Variants in ATM observed in about 807,000 individuals in gnomAD.
The protein encoded by ATM is serine-protein kinase ATM.
ATM carries 308 observed loss-of-function variants against 387.0 expected under a neutral mutation model. That is an observed-to-expected ratio of 0.80 (90% CI 0.73 to 0.87). The LOEUF (loss-of-function observed/expected upper bound fraction) is 0.87. ATM is among the 40% of genes least tolerant of loss of function. The pLI is 0.00. For missense variants in ATM, 3,312 were observed against 3,560.9 expected (o/e 0.93, Z 1.78); for synonymous variants, 1,156 against 1,187.3 (o/e 0.97, Z 0.54).
At chr11:108,252,741 C>A in intron 11 of ATM, 76 bp from the exon 12 acceptor site, 1 of 998,580 alleles carries the variant, frequency 1.0e-6, no homozygotes, top group South Asian at 1.4e-5. Context: ...TATAGCTAAA[C>A]ATGGATGTTA....
chr11:108,356,640 G>C (rs557183309), intron 61 of ATM, among the ~76,000 whole-genome samples: 3 of 151,982 alleles, frequency 2.0e-5, no homozygotes, highest in East Asian at 3.9e-4. Context: ...TCAGTCAGAA[G>C]GGATTTTTAT....
At chr11:108,298,658 T>C (rs553271024) in intron 33 of ATM, among the ~76,000 whole-genome samples, 7 of 152,208 alleles carry the variant, frequency 4.6e-5, no homozygotes, top group African/African-American at 1.7e-4. Flanking sequence ...CTTTCACTAC[T>C]GCTGTTCAAC....
Position 108,245,644 on chromosome 11 carries a change from T to A in ATM, c.901+618T>A, listed in dbSNP as rs4987922. 8.7e-3 allele frequency among the ~76,000 whole-genome samples: 1,317 copies of A among 152,198 alleles called. 4 individuals are homozygous for A. The highest frequency in any genetic ancestry group is 0.015 in the Non-Finnish European group (1,006 of 67,990). ...TATTGCCCAGAAGGTATAGTGCTTT[T>A]CTGTAGTTAGGAACTTTATTGGCTG... is the stretch of plus-strand genomic sequence containing the variant. On this transcript the variant is annotated intron_variant, in intron 7 of 62. Coordinates refer to ENST00000675843, the MANE Select transcript of ATM (RefSeq NM_000051.4).
intron 57 of ATM, among the ~76,000 whole-genome samples, chr11:108,345,493 T>C (rs1256911599): frequency 1.3e-5 from 2 of 152,182 alleles, no homozygotes; most frequent in Admixed American, 6.5e-5. Flanking sequence ...TTATTCAAAT[T>C]AGAATTTAAT....
rs2081307368 is a variant in ATM, at chr11:108,267,260, G to A, written c.2556G>A (p.Gln852=). ...TNGNLMEVED[Q]SSMNLFNDYP... Reference sequence around the variant, plus strand: ...GAAATCTAATGGAGGTGGAGGATCAGTCATCCATGAATCTATTTAACGATT... The same window carrying A: ...GAAATCTAATGGAGGTGGAGGATCAATCATCCATGAATCTATTTAACGATT... Residue 852 remains glutamine, a synonymous_variant, in exon 17 of 63, where the codon CAG becomes CAA. Transcript: ENST00000675843. The A allele has an allele frequency of 6.2e-7, 1 of 1,614,008 alleles. No homozygotes were observed. The highest frequency in any genetic ancestry group is 8.5e-7 in the Non-Finnish European group (1 of 1,179,922).
chr11:108,228,964 A>AT (rs1331229990), intron 3 of ATM, among the ~76,000 whole-genome samples: 1 of 152,246 alleles, frequency 6.6e-6, no homozygotes, highest in Non-Finnish European at 1.5e-5. Flanking sequence ...GTCATAGAAG[A>AT]TTAAGAGCTT....
At chr11:108,307,224 A>T (rs904250520) in intron 37 of ATM, among the ~76,000 whole-genome samples, 11 of 149,526 alleles carry the variant, frequency 7.4e-5, no homozygotes, top group African/African-American at 2.7e-4. Context: ...ATCTCGGCTC[A>T]CTGCAACCTC....
In ATM at chr11:108,304,726, T is replaced by C. The variant is rs2135943505; in HGVS notation, c.5548T>C (p.Leu1850=). ...TVLPYLIHDI[L]LQDTNESWRN... is the part of the protein sequence containing the mutation. ...ACTTCCATACTTGATTCATGATATT[T>C]TACTCCAAGATACAAATGAATCATG... The change falls in exon 37 of 63, where the codon TTA becomes CTA. Residue 1850 remains leucine, a synonymous_variant. Transcript: ENST00000675843. The C allele has an allele frequency of 6.2e-7, 1 of 1,614,070 alleles. No individual in the cohort carries two copies. The highest frequency in any genetic ancestry group is 8.5e-7 in the Non-Finnish European group (1 of 1,179,956).
At chr11:108,364,885 T>G (rs889121694) in intron 61 of ATM, among the ~76,000 whole-genome samples, 197 bp from the exon 62 acceptor site, 2 of 152,180 alleles carry the variant, frequency 1.3e-5, no homozygotes, top group Admixed American at 1.3e-4. Flanking sequence ...AAGAATGAAT[T>G]CAGAATGAAA....
chr11:108,313,642 C>T (rs1296361560), intron 40 of ATM, among the ~76,000 whole-genome samples: 1 of 152,164 alleles, frequency 6.6e-6, no homozygotes, highest in Admixed American at 6.5e-5. Flanking sequence ...CTCCTCTCTA[C>T]TGAGTTTTTG....
At chr11:108,348,945 A>G (rs576514784) in intron 59 of ATM, among the ~76,000 whole-genome samples, 1 of 152,322 alleles carries the variant, frequency 6.6e-6, no homozygotes, top group African/African-American at 2.4e-5. Context: ...ATCCCCCTGC[A>G]ACTCAGAATG....
chr11:108,250,164 A>G (rs576155486), intron 9 of ATM, among the ~76,000 whole-genome samples: 3 of 126,710 alleles, frequency 2.4e-5, no homozygotes, highest in Non-Finnish European at 5.0e-5. Flanking sequence ...ATATATATAT[A>G]TTTTCTGAGA....
At chr11:108,336,041 A>G in intron 56 of ATM, 80 bp downstream of exon 56, 1 of 1,096,294 alleles carries the variant, frequency 9.1e-7, no homozygotes, top group Non-Finnish European at 1.4e-6. Context: ...TCATGCCCAT[A>G]TTCATAATGC....
At chr11:108,279,915 CTAAT>C (rs1469708450) in intron 23 of ATM, among the ~76,000 whole-genome samples, 1 of 152,036 alleles carries the variant, frequency 6.6e-6, no homozygotes, top group Non-Finnish European at 1.5e-5. Context: ...TGATTAAAAG[CTAAT>C]TAAGGGAACA....
chr11:108,236,022 A>G, intron 5 of ATM, 188 bp downstream of exon 5: 1 of 628,680 alleles, frequency 1.6e-6, no homozygotes, highest in South Asian at 1.9e-5. Context: ...GAATAAAGTC[A>G]TGAATAATAT....
At chr11:108,325,966 G>A (rs1008681022) in intron 46 of ATM, 92 bp from the exon 47 acceptor site, 2 of 1,472,592 alleles carry the variant, frequency 1.4e-6, no homozygotes, top group Non-Finnish European at 1.9e-6. Context: ...AGTCCTCAAT[G>A]AATGGTAGTT....
At chr11:108,247,163 C>T (rs2135270867) in intron 8 of ATM, 36 bp downstream of exon 8, 1 of 1,611,034 alleles carries the variant, frequency 6.2e-7, no homozygotes, top group Non-Finnish European at 8.5e-7. Context: ...TTAGAAATTT[C>T]CTGTTAATTT....
At chr11:108,321,466 G>A (rs2136245500) in intron 45 of ATM, 46 bp downstream of exon 45, 4 of 1,612,974 alleles carry the variant, frequency 2.5e-6, no homozygotes, top group Non-Finnish European at 3.4e-6. Flanking sequence ...CAGCTTTTCT[G>A]TTACCAATAG....
intron 36 of ATM, 76 bp from the exon 37 acceptor site, chr11:108,304,599 G>A (rs1272285935): frequency 4.2e-6 from 6 of 1,436,098 alleles, no homozygotes; most frequent in Non-Finnish European, 5.8e-6. Context: ...AACGGGGCAT[G>A]AAAATTTTAA....
Sources: gnomAD v4.1 joint callset for allele counts (sites outside exome capture counted in the v4.1 genomes callset) on GRCh38, gnomAD v4.1.1 for gene constraint, MANE v1.5 for transcripts, NCBI Gene and HGNC (gene_info 2026-07-23, HGNC 2026-07-21) for gene names.